SOX6: variants seen among roughly 807,000 people sequenced by gnomAD.
SOX6 encodes the protein transcription factor SOX-6.
In SOX6, 11 loss-of-function variants were observed where a neutral mutation model predicts 97.8. The ratio of observed to expected loss-of-function variants is 0.11; its 90% CI spans 0.07 to 0.19. The LOEUF is 0.19. Among genes scored for constraint, SOX6 ranks in the 10% least tolerant of loss-of-function variants. SOX6 has a pLI of 1.00. For missense variants in SOX6, 810 were observed against 1,039.5 expected, an observed-to-expected ratio of 0.78 and a Z score of 3.04; for synonymous variants, 360 against 371.4, an observed-to-expected ratio of 0.97 and a Z score of 0.35.
At chr11:16,252,133 T>C (rs1853532514) in intron 3 of SOX6, among the ~76,000 whole-genome samples, 1 of 152,200 alleles carries the variant, frequency 6.6e-6, no homozygotes, top group Non-Finnish European at 1.5e-5. Flanking sequence ...TGCAATATTA[T>C]CCTGGTGATC....
Position 16,627,571 on chromosome 11 carries a change from C to T in SOX6, n.430-15311G>A, listed in dbSNP as rs1040155547. 8.5e-5 allele frequency among the ~76,000 whole-genome samples: 13 copies of T among 152,124 alleles called. No homozygotes were observed. In the East Asian group the frequency reaches 9.6e-4, roughly 11 times the overall value. On this transcript the variant is annotated intron_variant and non_coding_transcript_variant, in intron 3 of 5. Coordinates refer to the SOX6 transcript ENST00000524520. ...ATCACTGATGTGGAGCATTTTTTCA[C>T]GTTTTTTGGCCACTTGTATGCCTTC...
intron 12 of SOX6, among the ~76,000 whole-genome samples, chr11:16,022,331 TTTCC>T (rs71044083): frequency 0.067 from 7,624 of 113,776 alleles, 281 homozygotes; most frequent in African/African-American, 0.098. Flanking sequence ...TCCTTCCTTC[TTTCC>T]TTCCTTCCTT....
chr11:16,388,875 C>A (rs937058789), intron 1 of SOX6, among the ~76,000 whole-genome samples: 19 of 152,224 alleles, frequency 1.2e-4, no homozygotes, highest in African/African-American at 4.6e-4. Flanking sequence ...TTGGAGTTTG[C>A]TGAACTTCTT....
intron 6 of SOX6, among the ~76,000 whole-genome samples, chr11:16,165,858 A>C (rs1379084871): frequency 1.3e-5 from 2 of 151,854 alleles, no homozygotes; most frequent in Non-Finnish European, 2.9e-5. Flanking sequence ...AGATGGCGCC[A>C]CTGCACTACA....
intron 9 of SOX6, among the ~76,000 whole-genome samples, chr11:16,065,670 C>A (rs993166757): frequency 6.6e-6 from 1 of 152,046 alleles, no homozygotes; most frequent in Non-Finnish European, 1.5e-5. Context: ...AAGACAATCT[C>A]TTCAATAAAT....
upstream of SOX6, among the ~76,000 whole-genome samples, chr11:16,476,845 C>T (rs1028913649): frequency 6.6e-6 from 1 of 152,130 alleles, no homozygotes; most frequent in African/African-American, 2.4e-5. Flanking sequence ...CTACCTAAGG[C>T]GTGGAACCCA....
At chr11:16,402,821 C>G (rs746095195) in intron 1 of SOX6, 1 of 1,558,906 alleles carries the variant, frequency 6.4e-7, no homozygotes, top group East Asian at 2.4e-5. Flanking sequence ...TTGAAGCTCA[C>G]CATGACCTTT....
intron 1 of SOX6, among the ~76,000 whole-genome samples, chr11:16,463,581 T>C (rs1461839489): frequency 6.6e-6 from 1 of 152,120 alleles, no homozygotes; most frequent in African/African-American, 2.4e-5. Flanking sequence ...CACATACAGG[T>C]TCTTAACACA....
chr11:16,277,014 A>T (rs964958981), intron 3 of SOX6, among the ~76,000 whole-genome samples: 1 of 152,206 alleles, frequency 6.6e-6, no homozygotes, highest in South Asian at 2.1e-4. Flanking sequence ...AATGCTCACC[A>T]TGCCTAGCAC....
intron 3 of SOX6, among the ~76,000 whole-genome samples, chr11:16,667,126 G>A (rs1590044947): frequency 6.6e-6 from 1 of 151,192 alleles, no homozygotes; most frequent in East Asian, 2.0e-4. Context: ...AGTAGTCCCA[G>A]CTACTCAGGA....
intron 4 of SOX6, among the ~76,000 whole-genome samples, chr11:16,602,569 A>T (rs1446646007): frequency 6.6e-6 from 1 of 152,186 alleles, no homozygotes; most frequent in Non-Finnish European, 1.5e-5. Context: ...ATTCAAGAAG[A>T]TACTTCCAAA....
chr11:16,730,029 A>ATATATATAT (rs1848336847), intron 2 of SOX6, among the ~76,000 whole-genome samples: 1 of 142,620 alleles, frequency 7.0e-6, no homozygotes, highest in African/African-American at 2.6e-5. Context: ...AACTATCCTA[A>ATATATATAT]ATATATATAT....
At chr11:16,475,624 C>T (rs1860229116) in intron 1 of SOX6, among the ~76,000 whole-genome samples, 1 of 152,024 alleles carries the variant, frequency 6.6e-6, no homozygotes, top group South Asian at 2.1e-4. Context: ...ATAGTAACAT[C>T]AAGATCACTA....
intron 15 of SOX6, among the ~76,000 whole-genome samples, chr11:15,979,328 C>A (rs1853595253): frequency 6.6e-6 from 1 of 150,920 alleles, no homozygotes; most frequent in South Asian, 2.2e-4. Context: ...CACCTCCACC[C>A]CTACAAACCT....
intron 10 of SOX6, among the ~76,000 whole-genome samples, chr11:16,055,527 A>C (rs1847792767): frequency 6.6e-6 from 1 of 152,186 alleles, no homozygotes; most frequent in South Asian, 2.1e-4. Context: ...ACTCTCGAGA[A>C]GTGAGTTTGC....
At chr11:16,457,780 T>C (rs914830925) in intron 1 of SOX6, among the ~76,000 whole-genome samples, 3 of 152,062 alleles carry the variant, frequency 2.0e-5, no homozygotes, top group Non-Finnish European at 1.5e-5. Context: ...CTCCAAAAAG[T>C]ATGTTGAGTT....
Position 16,610,169 on chromosome 11 carries a change from C to G in SOX6, n.609+1912G>C, listed in dbSNP as rs900684257. Among the ~76,000 whole-genome samples, 1 of 152,166 alleles carries G rather than the reference C, an allele frequency of 6.6e-6. No individual in the cohort carries two copies. Among genetic ancestry groups the G allele is most frequent in the African/African-American group, 2.4e-5 (1 of 41,424 alleles). On this transcript the variant is annotated intron_variant and non_coding_transcript_variant, in intron 4 of 5. Transcript: ENST00000524520. This position sits in a 1 kb window ranked among gnomAD's most constrained non-coding sequence, Gnocchi z 4.4. ...CTCAGCTGTCTGCCCTGGAACTCAA[C>G]AACAAGGGCCATAAAACCTCTCCAA...
At chr11:16,337,611 G>T (rs1219249346) in intron 2 of SOX6, among the ~76,000 whole-genome samples, 5 of 152,070 alleles carry the variant, frequency 3.3e-5, no homozygotes, top group Non-Finnish European at 7.4e-5. Context: ...TGATGAAAGT[G>T]GTAGCAGTTG....
At chr11:16,335,225 T>A (rs10832595) in intron 2 of SOX6, among the ~76,000 whole-genome samples, 15,532 of 152,192 alleles carry the variant, frequency 0.1, 845 homozygotes, top group African/African-American at 0.12. Flanking sequence ...TACTATTCAG[T>A]GATTCAAGGT....
Sources: allele counts gnomAD v4.1 joint callset (sites outside exome capture counted in the v4.1 genomes callset), GRCh38; gene constraint gnomAD v4.1.1; non-coding constraint Gnocchi (gnomAD v3.1); transcripts MANE v1.5; gene names NCBI Gene and HGNC (gene_info 2026-07-23, HGNC 2026-07-21).